DUSP29: variants seen among roughly 807,000 people sequenced by gnomAD.
The protein encoded by DUSP29 is dual specificity phosphatase 29.
A neutral mutation model predicts 13.5 loss-of-function variants in DUSP29; 12 were observed. The observed-to-expected ratio is 0.89, with a 90% CI of 0.57 to 1.44. The LOEUF (loss-of-function observed/expected upper bound fraction) is 1.44, where lower values mean the gene tolerates loss of function less well. DUSP29 is among the 40% of genes most tolerant of loss of function. The pLI is 0.00. For missense variants in DUSP29, 308 were observed against 301.1 expected, an observed-to-expected ratio of 1.02 and a Z score of -0.17; for synonymous variants, 134 against 128.7, an observed-to-expected ratio of 1.04 and a Z score of -0.28.
intron 1 of DUSP29, among the ~76,000 whole-genome samples, chr10:75,071,306 G>A (rs1847323037): frequency 6.6e-6 from 1 of 152,228 alleles, no homozygotes; most frequent in Non-Finnish European, 1.5e-5. Flanking sequence ...CAGACACATA[G>A]CACAGGAAAC....
In DUSP29 at chr10:75,058,559, G is replaced by C. The variant is rs143220990; in HGVS notation, c.-34-11C>G. 86 of 1,607,156 alleles carry C rather than the reference G, an allele frequency of 5.4e-5. No homozygotes were observed. The African/African-American group carries it at 1.0e-3, about 19-fold the overall frequency. On this transcript the variant is annotated splice_polypyrimidine_tract_variant and intron_variant, in intron 1 of 3. Coordinates refer to ENST00000338487, the MANE Select transcript of DUSP29 (RefSeq NM_001003892.3). ...CTCTCCTTTCTGCAGCTGGTTATGA[G>C]AGAGAAGCAGGATGGGGGTTAGCAG...
chr10:75,072,361 G>A (rs1224987193), intron 1 of DUSP29, among the ~76,000 whole-genome samples: 7 of 152,094 alleles, frequency 4.6e-5, no homozygotes, highest in Admixed American at 4.6e-4. Context: ...TCCTCTAGAG[G>A]TCTGAGCAGC....
chr10:75,039,470 C>T (rs189787519), intron 3 of DUSP29, among the ~76,000 whole-genome samples: 35 of 152,190 alleles, frequency 2.3e-4, no homozygotes, highest in African/African-American at 8.2e-4. Flanking sequence ...GAGCTGAGAT[C>T]GCGCCACTAC....
intron 1 of DUSP29, among the ~76,000 whole-genome samples, chr10:75,063,958 AG>A (rs1490207967): frequency 2.0e-5 from 3 of 152,182 alleles, no homozygotes; most frequent in African/African-American, 7.2e-5. Context: ...TTGACCACTA[AG>A]GCCTGGAGTG....
intron 1 of DUSP29, among the ~76,000 whole-genome samples, chr10:75,068,647 T>G (rs1847255042): frequency 6.6e-6 from 1 of 152,180 alleles, no homozygotes. Flanking sequence ...GGCTTGGATA[T>G]GCTTGGAAAG....
chr10:75,039,449 G>C (rs979698291), intron 3 of DUSP29, among the ~76,000 whole-genome samples: 1 of 152,182 alleles, frequency 6.6e-6, no homozygotes, highest in African/African-American at 2.4e-5. Context: ...CCAGGAGTTA[G>C]AGGTTGCAGT....
At chr10:75,052,462 A>G (rs892500764) in intron 2 of DUSP29, among the ~76,000 whole-genome samples, 3 of 151,644 alleles carry the variant, frequency 2.0e-5, no homozygotes, top group Admixed American at 2.0e-4. Context: ...GCCCGCCACC[A>G]TGCCAGGCTA....
At chr10:75,048,505 T>G (rs1846751931) in intron 2 of DUSP29, among the ~76,000 whole-genome samples, 1 of 151,798 alleles carries the variant, frequency 6.6e-6, no homozygotes, top group African/African-American at 2.4e-5. Context: ...GTTCAAGCAA[T>G]TCTCCTGCCT....
chr10:75,043,652 C>A, intron 3 of DUSP29, 145 bp downstream of exon 3: 1 of 815,980 alleles, frequency 1.2e-6, no homozygotes, highest in South Asian at 1.8e-5. Flanking sequence ...GGGCCTCAGA[C>A]GGGGAAACCT....
intron 2 of DUSP29, among the ~76,000 whole-genome samples, chr10:75,051,206 C>G (rs1383935473): frequency 6.6e-6 from 1 of 152,162 alleles, no homozygotes; most frequent in Non-Finnish European, 1.5e-5. Flanking sequence ...CCCAAGGCTT[C>G]CCCTAGCATG....
chr10:75,040,432 A>G (rs1846557574), intron 3 of DUSP29, among the ~76,000 whole-genome samples: 1 of 152,212 alleles, frequency 6.6e-6, no homozygotes, highest in Non-Finnish European at 1.5e-5. Context: ...AATTAAAACC[A>G]CACTAATTCA....
chr10:75,037,873 C>A lies in DUSP29; in HGVS notation c.626G>T (p.Arg209Leu), dbSNP rs372145105. 1 of 1,611,916 alleles carries A rather than the reference C, an allele frequency of 6.2e-7. No homozygotes were observed. Among genetic ancestry groups the A allele is most frequent in the Non-Finnish European group, 8.5e-7 (1 of 1,179,298 alleles). The change falls in exon 4 of 4, where the codon CGC becomes CTC. Residue 209 changes from arginine to leucine, a missense_variant. Transcript: ENST00000338487. Reference protein sequence around the residue: ...QLVQQRRRSQRQDGEEEDGRE... With the variant: ...QLVQQRRRSQLQDGEEEDGRE... ...GCCATCCTCCTCCTCACCGTCCTGG[C>A]GCTGGGACCGTCGCCTCTGCTGCAC... is the stretch of plus-strand genomic sequence containing the variant.
chr10:75,058,293 G>T, intron 2 of DUSP29, 22 bp downstream of exon 2: 1 of 1,598,282 alleles, frequency 6.3e-7, no homozygotes, highest in East Asian at 2.2e-5. Context: ...GCTCCCAAGC[G>T]AGCCTGGGCC....
At chr10:75,062,032 C>T (rs185286358) in intron 1 of DUSP29, among the ~76,000 whole-genome samples, 140 of 152,312 alleles carry the variant, frequency 9.2e-4, no homozygotes, top group African/African-American at 3.3e-3. Context: ...CATTCAGGCC[C>T]AAACTCTATT....
At chr10:75,042,103 C>A (rs747945413) in intron 3 of DUSP29, among the ~76,000 whole-genome samples, 1 of 152,194 alleles carries the variant, frequency 6.6e-6, no homozygotes. Flanking sequence ...CAAATACATC[C>A]GAGAGCCTGC....
intron 2 of DUSP29, among the ~76,000 whole-genome samples, chr10:75,052,300 CTTTTTTT>C (rs751523419): frequency 4.0e-5 from 5 of 124,900 alleles, no homozygotes; most frequent in African/African-American, 9.4e-5. Flanking sequence ...CATTTGTCTA[CTTTTTTT>C]TTTTTTTTTT....
At chr10:75,043,734 G>C (rs1377532546) in intron 3 of DUSP29, 63 bp downstream of exon 3, 1 of 1,449,050 alleles carries the variant, frequency 6.9e-7, no homozygotes, top group Non-Finnish European at 9.3e-7. Flanking sequence ...CCTAAGCTAC[G>C]GGCGGGGCGA....
chr10:75,043,943 C>A lies in DUSP29; in HGVS notation c.275G>T (p.Trp92Leu). Residue 92 changes from tryptophan to leucine, a missense_variant, in exon 3 of 4, where the codon TGG (tryptophan) becomes TTG (leucine). Transcript: ENST00000338487. ...GTAGTCGGGCCCAGTGTCCACGTTC[C>A]AGCGGCCGTGGGCCGCGTTCAGCAC... ...THVLNAAHGR[W>L]NVDTGPDYYR... 1 of 1,613,702 alleles carries A rather than the reference C, an allele frequency of 6.2e-7. No individual in the cohort carries two copies. Among genetic ancestry groups the A allele is most frequent in the Non-Finnish European group, 8.5e-7 (1 of 1,179,932 alleles).
chr10:75,055,247 G>T (rs1038668907), intron 2 of DUSP29, among the ~76,000 whole-genome samples: 4 of 151,694 alleles, frequency 2.6e-5, no homozygotes, highest in Admixed American at 1.3e-4. Context: ...TTCAAACAGT[G>T]TTATAATAAG....
Sources: allele counts gnomAD v4.1 joint callset (sites outside exome capture counted in the v4.1 genomes callset), GRCh38; gene constraint gnomAD v4.1.1; transcripts MANE v1.5; gene names NCBI Gene and HGNC (gene_info 2026-07-23, HGNC 2026-07-21).